Variants in DLGAP2 observed in about 807,000 individuals in gnomAD.
The protein encoded by DLGAP2 is disks large-associated protein 2.
DLGAP2 carries 26 observed loss-of-function variants against 100.3 expected under a neutral mutation model. The ratio of observed to expected loss-of-function variants is 0.26; its 90% CI spans 0.19 to 0.36. The LOEUF is 0.36. Ranked by LOEUF, DLGAP2 falls within the 10% of genes least tolerant of loss-of-function variation. The probability of loss-of-function intolerance (pLI) is 1.00; values close to 1 mark genes in which losing one functional copy is unlikely to be tolerated. For missense variants in DLGAP2, 1,858 were observed against 1,453.2 expected, an observed-to-expected ratio of 1.28 and a Z score of -4.53; for synonymous variants, 886 against 630.1, an observed-to-expected ratio of 1.41 and a Z score of -6.08.
intron 5 of DLGAP2, among the ~76,000 whole-genome samples, chr8:1,551,010 G>A (rs928804168): frequency 3.9e-5 from 6 of 152,354 alleles, no homozygotes; most frequent in Admixed American, 1.3e-4. Flanking sequence ...ACTAGCAGCC[G>A]TGATTCTTTC....
chr8:801,129 C>T (rs999112272), intron 1 of DLGAP2, among the ~76,000 whole-genome samples: 21 of 152,200 alleles, frequency 1.4e-4, no homozygotes, highest in African/African-American at 4.6e-4. Context: ...TTGATTAGAC[C>T]GAAGGCGTTG....
intron 2 of DLGAP2, among the ~76,000 whole-genome samples, chr8:909,451 G>C (rs139589785): frequency 2.0e-5 from 3 of 151,694 alleles, no homozygotes; most frequent in African/African-American, 7.3e-5. Flanking sequence ...GTATGGAAAT[G>C]AATTTTCCTT....
At chr8:1,166,278 C>G (rs542044104) in intron 2 of DLGAP2, among the ~76,000 whole-genome samples, 1 of 152,312 alleles carries the variant, frequency 6.6e-6, no homozygotes, top group Admixed American at 6.5e-5. Context: ...AGTCCCCGTG[C>G]AAGATGCACC....
intron 1 of DLGAP2, among the ~76,000 whole-genome samples, chr8:901,639 G>A (rs1326679492): frequency 1.3e-5 from 2 of 152,192 alleles, no homozygotes; most frequent in Admixed American, 6.5e-5. Flanking sequence ...GTGGAGTAAA[G>A]TTGTGCAGGG....
At chr8:1,342,648 A>G (rs1246287007) in intron 3 of DLGAP2, among the ~76,000 whole-genome samples, 1 of 152,228 alleles carries the variant, frequency 6.6e-6, no homozygotes, top group African/African-American at 2.4e-5. Context: ...TCACATGCGA[A>G]TGCTGAATTT....
At chr8:862,692 G>A (rs1797416382) in intron 1 of DLGAP2, among the ~76,000 whole-genome samples, 1 of 152,128 alleles carries the variant, frequency 6.6e-6, no homozygotes, top group South Asian at 2.1e-4. Flanking sequence ...CAGCAAGTGA[G>A]AACAGATCTT....
At chr8:1,223,484 T>C (rs1798357119) in intron 2 of DLGAP2, among the ~76,000 whole-genome samples, 1 of 152,224 alleles carries the variant, frequency 6.6e-6, no homozygotes, top group African/African-American at 2.4e-5. Context: ...TTCTACAAGA[T>C]GACTAAAAGT....
intron 2 of DLGAP2, among the ~76,000 whole-genome samples, chr8:1,228,245 AT>A (rs1456359581): frequency 1.3e-5 from 2 of 152,238 alleles, no homozygotes; most frequent in Admixed American, 6.5e-5. Context: ...AAATAAAAAA[AT>A]ACATAAATAA....
intron 4 of DLGAP2, among the ~76,000 whole-genome samples, chr8:1,545,907 C>G (rs1801519455): frequency 6.6e-6 from 1 of 152,112 alleles, no homozygotes; most frequent in African/African-American, 2.4e-5. Flanking sequence ...CAGTAATGGA[C>G]TCTCTTTTTA....
At chr8:1,167,745 T>C (rs62487551) in intron 2 of DLGAP2, among the ~76,000 whole-genome samples, 2 of 152,208 alleles carry the variant, frequency 1.3e-5, no homozygotes, top group Admixed American at 6.5e-5. Flanking sequence ...ATCCATTCAG[T>C]TGACAAACAT....
At chr8:1,220,598 T>G (rs993859122) in intron 2 of DLGAP2, among the ~76,000 whole-genome samples, 1 of 147,942 alleles carries the variant, frequency 6.8e-6, no homozygotes, top group Non-Finnish European at 1.5e-5. Context: ...GAGAGTATTC[T>G]GTAGATATCT....
chr8:820,711 A>T (rs1038653855), intron 1 of DLGAP2, among the ~76,000 whole-genome samples: 10 of 152,218 alleles, frequency 6.6e-5, no homozygotes, highest in Admixed American at 5.9e-4. Flanking sequence ...TGACTCAGTA[A>T]TTCTGTCTAG....
intron 4 of DLGAP2, among the ~76,000 whole-genome samples, chr8:1,517,344 G>A (rs1360785972): frequency 6.6e-6 from 1 of 152,138 alleles, no homozygotes; most frequent in African/African-American, 2.4e-5. Context: ...CGGATGTGGA[G>A]CCCAGGAGGA....
intron 3 of DLGAP2, among the ~76,000 whole-genome samples, chr8:1,427,296 A>T (rs1797262442): frequency 6.6e-6 from 1 of 152,252 alleles, no homozygotes; most frequent in African/African-American, 2.4e-5. Flanking sequence ...TGATTTGAAC[A>T]ACACAACGAC....
chr8:1,392,055 G>A (rs141625457), intron 3 of DLGAP2, among the ~76,000 whole-genome samples: 322 of 152,352 alleles, frequency 2.1e-3, no homozygotes, highest in Non-Finnish European at 3.6e-3. Context: ...TTGCGATGCT[G>A]TAGGATCTTT....
intron 3 of DLGAP2, among the ~76,000 whole-genome samples, chr8:1,447,153 G>GC (rs1296749563): frequency 2.6e-5 from 4 of 152,204 alleles, no homozygotes; most frequent in Non-Finnish European, 5.9e-5. Context: ...GTGAGAGAGG[G>GC]CATCCCTGTC....
chr8:1,307,011 G>A (rs996953188), intron 3 of DLGAP2, among the ~76,000 whole-genome samples: 2 of 151,866 alleles, frequency 1.3e-5, no homozygotes, highest in Non-Finnish European at 2.9e-5. Context: ...AAAAGTACAA[G>A]CAACAAAAGA....
intron 3 of DLGAP2, among the ~76,000 whole-genome samples, chr8:1,291,664 T>A (rs1232574128): frequency 1.3e-5 from 2 of 152,172 alleles, no homozygotes; most frequent in East Asian, 3.8e-4. Flanking sequence ...ATCTTCCAGT[T>A]TAAAATCTAA....
chr8:1,314,591 C>T (rs559455481), intron 3 of DLGAP2, among the ~76,000 whole-genome samples: 10 of 152,216 alleles, frequency 6.6e-5, no homozygotes, highest in Non-Finnish European at 1.5e-4. Flanking sequence ...GTCACCGCCT[C>T]TCAGGTGTGC....
Sources: allele counts gnomAD v4.1 joint callset (sites outside exome capture counted in the v4.1 genomes callset), GRCh38; gene constraint gnomAD v4.1.1; transcripts MANE v1.5; gene names NCBI Gene and HGNC (gene_info 2026-07-23, HGNC 2026-07-21).